Variants in HYAL4 observed in about 807,000 individuals in gnomAD.
The protein encoded by HYAL4 is hyaluronidase-4.
A neutral mutation model predicts 35.2 loss-of-function variants in HYAL4; 37 were observed. That is an observed-to-expected ratio of 1.05 (90% confidence interval 0.81 to 1.38). The LOEUF (loss-of-function observed/expected upper bound fraction) is 1.38, where lower values mean the gene tolerates loss of function less well. Among genes scored for constraint, HYAL4 ranks in the 40% most tolerant of loss-of-function variants. The probability of loss-of-function intolerance (pLI) is 0.00; values close to 1 mark genes in which losing one functional copy is unlikely to be tolerated. For missense variants in HYAL4, 572 were observed against 572.4 expected, an observed-to-expected ratio of 1.00 and a Z score of 0.01; for synonymous variants, 198 against 203.2, an observed-to-expected ratio of 0.97 and a Z score of 0.22.
At chr7:123,863,795 G>A (rs902189781) in intron 2 of HYAL4, among the ~76,000 whole-genome samples, 5 of 152,126 alleles carry the variant, frequency 3.3e-5, no homozygotes, top group African/African-American at 9.7e-5. Context: ...AGCTGTGAGT[G>A]TAGTACTCAC....
At chr7:123,779,642 T>G in the HYAL4 span, among the ~76,000 whole-genome samples, 2 of 152,164 alleles carry the variant, frequency 1.3e-5, no homozygotes, top group Non-Finnish European at 2.9e-5. Context: ...TTGAGTATGT[T>G]TGAACATTTT....
At chr7:123,790,809 G>T in the HYAL4 span, 5 of 151,438 alleles carry the variant, frequency 3.3e-5, no homozygotes, top group African/African-American at 1.2e-4. Flanking sequence ...CTTTCACCCC[G>T]GCTGGAGTGA....
At chr7:123,767,862 A>G in the HYAL4 span, among the ~76,000 whole-genome samples, 14 of 152,364 alleles carry the variant, frequency 9.2e-5, no homozygotes, top group African/African-American at 2.6e-4. Context: ...AACATCAGGT[A>G]TGCATCACAA....
chr7:123,800,217 C>A, the HYAL4 span, among the ~76,000 whole-genome samples: 4 of 145,106 alleles, frequency 2.8e-5, no homozygotes, highest in Admixed American at 1.4e-4. Flanking sequence ...TCACCCAGGC[C>A]GGAGTGCAGT....
intron 2 of HYAL4, among the ~76,000 whole-genome samples, chr7:123,860,580 G>A (rs777698123): frequency 2.6e-5 from 4 of 152,134 alleles, no homozygotes; most frequent in Non-Finnish European, 4.4e-5. Context: ...CTCATTCTTT[G>A]TTATAGGTGC....
In HYAL4 at chr7:123,868,550, A is replaced by G; in HGVS notation, c.277A>G (p.Asn93Asp). ...GCAAAATGTCACTATATTTTATGTC[A>G]ACAGATTGGGATACTATCCGTGGTA... The part of the protein sequence containing the change: ...RGQNVTIFYV[N>D]RLGYYPWYTS... Residue 93 changes from asparagine (N) to aspartate (D), a missense_variant, in exon 3 of 5, where the codon AAC becomes GAC. Physicochemically the swap from Asn to Asp is conservative, Grantham distance 23. Transcript: ENST00000223026. 6.2e-7 allele frequency: 1 copy of G among 1,613,170 alleles called. No individual in the cohort carries two copies. The highest frequency in any genetic ancestry group is 8.5e-7 in the Non-Finnish European group (1 of 1,179,780).
the HYAL4 span, among the ~76,000 whole-genome samples, chr7:123,813,667 A>C: frequency 6.6e-6 from 1 of 152,334 alleles, no homozygotes; most frequent in African/African-American, 2.4e-5. Flanking sequence ...ACTTACTGTT[A>C]GTACAGTTAG....
rs191815578 is a variant in HYAL4 at position 123,852,872 on chromosome 7, T to C, written c.-52+4714T>C. ...TATTGATTCTTCTTTTCCACAAGCATGGAATATTTTTCCATTTGTTTGTGT... is the reference window on the plus strand; with the variant it reads ...TATTGATTCTTCTTTTCCACAAGCACGGAATATTTTTCCATTTGTTTGTGT... On this transcript the variant is annotated intron_variant, in intron 2 of 4. Transcript: ENST00000223026. 2.7e-3 allele frequency among the ~76,000 whole-genome samples: 407 copies of C among 152,314 alleles called. 9 individuals are homozygous for C. Among genetic ancestry groups the C allele is most frequent in the Admixed American group, 0.024 (368 of 15,294 alleles).
upstream of HYAL4, among the ~76,000 whole-genome samples, chr7:123,828,313 A>G (rs545746170): frequency 1.3e-5 from 2 of 152,262 alleles, no homozygotes; most frequent in East Asian, 3.9e-4. Flanking sequence ...ACATGTATCA[A>G]CATAAAAAAT....
chr7:123,764,368 A>G, the HYAL4 span, among the ~76,000 whole-genome samples: 3 of 152,202 alleles, frequency 2.0e-5, no homozygotes, highest in African/African-American at 7.2e-5. Flanking sequence ...CCACATTGCA[A>G]CTTGCATCTA....
chr7:123,856,798 C>T (rs1384155661), intron 2 of HYAL4, among the ~76,000 whole-genome samples: 1 of 152,180 alleles, frequency 6.6e-6, no homozygotes, highest in African/African-American at 2.4e-5. Context: ...CACCCCTTCC[C>T]CTAGTTGCTC....
intron 2 of HYAL4, among the ~76,000 whole-genome samples, chr7:123,853,321 G>A (rs896720984): frequency 9.2e-5 from 14 of 152,204 alleles, no homozygotes; most frequent in Admixed American, 5.2e-4. Context: ...GCTTTTCAAA[G>A]GGAATGCTTC....
At chr7:123,875,011 A>T (rs936865760) in intron 4 of HYAL4, among the ~76,000 whole-genome samples, 161 bp downstream of exon 4, 4 of 152,240 alleles carry the variant, frequency 2.6e-5, no homozygotes, top group Non-Finnish European at 5.9e-5. Flanking sequence ...GTGAACTTTT[A>T]TAAAGATAGT....
chr7:123,830,367 A>G (rs1805862627), intron 1 of HYAL4, among the ~76,000 whole-genome samples: 1 of 152,232 alleles, frequency 6.6e-6, no homozygotes, highest in South Asian at 2.1e-4. Context: ...AAAATATCTT[A>G]TAAATACCAC....
the HYAL4 span, among the ~76,000 whole-genome samples, chr7:123,811,456 C>T: frequency 1.3e-5 from 2 of 152,186 alleles, no homozygotes; most frequent in African/African-American, 2.4e-5. Flanking sequence ...TAATGTTGAG[C>T]ATCTTTTCAT....
In HYAL4 at chr7:123,853,137, C is replaced by G. The variant is rs1410016950; in HGVS notation, c.-52+4979C>G. Among the ~76,000 whole-genome samples the G allele has an allele frequency of 3.9e-5, 6 of 152,164 alleles. No individual in the cohort carries two copies. In the East Asian group the frequency reaches 7.7e-4, roughly 20 times the overall value. Reference sequence around the variant, plus strand: ...CTTATCAGCTTAAGGAGATTTTGGACTGAGATGATGGGGTTTTCTATACAG... The same window carrying G: ...CTTATCAGCTTAAGGAGATTTTGGAGTGAGATGATGGGGTTTTCTATACAG... On this transcript the variant is annotated intron_variant, in intron 2 of 4. Transcript: ENST00000223026.
At chr7:123,847,119 G>C (rs556236423) in intron 1 of HYAL4, among the ~76,000 whole-genome samples, 1 of 152,294 alleles carries the variant, frequency 6.6e-6, no homozygotes, top group African/African-American at 2.4e-5. Flanking sequence ...ACATTGCTCT[G>C]TCTGTCCACG....
chr7:123,876,656 T>C (rs1807032877), intron 4 of HYAL4, 98 bp from the exon 5 acceptor site: 1 of 1,270,634 alleles, frequency 7.9e-7, no homozygotes, highest in South Asian at 1.4e-5. Flanking sequence ...CTAGAAGCTC[T>C]AATTCTATCA....
At chr7:123,792,838 AG>A in the HYAL4 span, among the ~76,000 whole-genome samples, 3 of 152,140 alleles carry the variant, frequency 2.0e-5, no homozygotes, top group Admixed American at 2.0e-4. Context: ...CTCAGGGGGA[AG>A]GGAGTAATAT....
Sources: gnomAD v4.1 joint callset for allele counts (sites outside exome capture counted in the v4.1 genomes callset) on GRCh38, gnomAD v4.1.1 for gene constraint, MANE v1.5 for transcripts, NCBI Gene and HGNC (gene_info 2026-07-23, HGNC 2026-07-21) for gene names.